The following ALDH1A2 variants were observed in gnomAD, a reference collection of about 807,000 sequenced individuals.
The protein encoded by ALDH1A2 is retinal dehydrogenase 2.
ALDH1A2 carries 27 observed loss-of-function variants against 60.3 expected under a neutral mutation model. The ratio of observed to expected loss-of-function variants is 0.45; its 90% CI spans 0.33 to 0.62. The LOEUF (loss-of-function observed/expected upper bound fraction) is 0.62, where lower values mean the gene tolerates loss of function less well. Among genes scored for constraint, ALDH1A2 ranks in the 20% least tolerant of loss-of-function variants. ALDH1A2 has a pLI of 0.02. For missense variants in ALDH1A2, 581 were observed against 643.8 expected, an observed-to-expected ratio of 0.90 and a Z score of 1.06; for synonymous variants, 289 against 232.4, an observed-to-expected ratio of 1.24 and a Z score of -2.21.
At chr15:58,030,796 A>T (rs1896216265) in intron 1 of ALDH1A2, among the ~76,000 whole-genome samples, 1 of 152,182 alleles carries the variant, frequency 6.6e-6, no homozygotes. Flanking sequence ...TAGAAAAAAA[A>T]TAAAATACCT....
In ALDH1A2 at chr15:57,971,136, C is replaced by T. The variant is rs369838906; in HGVS notation, c.799-5309G>A. ...CACCATTCCCACCACCACTCACCCACGACTCTAGGCACACAAAACCACTTG... is the reference window on the plus strand; with the variant it reads ...CACCATTCCCACCACCACTCACCCATGACTCTAGGCACACAAAACCACTTG... On this transcript the variant is annotated intron_variant, in intron 7 of 12. Coordinates refer to ENST00000249750, the MANE Select transcript of ALDH1A2 (RefSeq NM_003888.4). Among the ~76,000 whole-genome samples, 8 of 152,354 alleles carry T rather than the reference C, an allele frequency of 5.3e-5. No homozygotes were observed. The South Asian group carries it at 8.3e-4, about 16-fold the overall frequency.
chr15:57,978,795 G>C (rs1433769245), intron 7 of ALDH1A2, among the ~76,000 whole-genome samples: 2 of 152,170 alleles, frequency 1.3e-5, no homozygotes, highest in Non-Finnish European at 1.5e-5. Context: ...TCAGCACTTA[G>C]GGAGGCCAAG....
chr15:57,980,482 C>G (rs1894457628), intron 7 of ALDH1A2: 1 of 277,260 alleles, frequency 3.6e-6, no homozygotes, highest in Non-Finnish European at 7.6e-6. Flanking sequence ...TAATCCCGTC[C>G]TTCAGGCTCT....
intron 4 of ALDH1A2, among the ~76,000 whole-genome samples, chr15:58,000,519 A>ATTT (rs1338409598): frequency 6.6e-6 from 1 of 152,036 alleles, no homozygotes; most frequent in African/African-American, 2.4e-5. Flanking sequence ...CCTGTTAGAA[A>ATTT]TATGTAAATA....
At chr15:58,014,869 G>T (rs190230462) in intron 1 of ALDH1A2, among the ~76,000 whole-genome samples, 4 of 152,308 alleles carry the variant, frequency 2.6e-5, no homozygotes, top group Admixed American at 2.0e-4. Flanking sequence ...CAAAAAAGAT[G>T]GGGATGGGGA....
intron 1 of ALDH1A2, among the ~76,000 whole-genome samples, chr15:58,043,653 A>G (rs1181712080): frequency 1.3e-5 from 2 of 152,002 alleles, no homozygotes; most frequent in Non-Finnish European, 2.9e-5. Context: ...TTCAGGTGGA[A>G]AAGAGTCCTA....
At chr15:58,020,075 G>A (rs1423863118) in intron 1 of ALDH1A2, among the ~76,000 whole-genome samples, 5 of 151,254 alleles carry the variant, frequency 3.3e-5, no homozygotes, top group Non-Finnish European at 7.4e-5. Flanking sequence ...GAGAACATGT[G>A]GTGTTTGGTT....
At chr15:57,981,321 CACACACAG>C (rs1233456607) in intron 7 of ALDH1A2, among the ~76,000 whole-genome samples, 68 of 145,716 alleles carry the variant, frequency 4.7e-4, no homozygotes, top group African/African-American at 1.8e-3. Flanking sequence ...CACACACACA[CACACACAG>C]ACACACACAA....
intron 7 of ALDH1A2, among the ~76,000 whole-genome samples, chr15:57,974,576 C>A (rs1596074438): frequency 6.6e-6 from 1 of 151,312 alleles, no homozygotes; most frequent in East Asian, 2.0e-4. Flanking sequence ...TTGTCATTAT[C>A]CATCTATCTA....
In ALDH1A2 at chr15:57,953,954, G is replaced by C. The variant is rs1345803336; in HGVS notation, c.*1243C>G. ...TCACTGGAAAGCAGAAGAGGAGTAT[G>C]TGGATGGGAAGAAAGGGAGGCGGGC... On this transcript the variant is annotated 3_prime_UTR_variant, in exon 13 of 13. Transcript: ENST00000249750. 1 of 152,468 alleles carries C rather than the reference G, an allele frequency of 6.6e-6. No individual in the cohort carries two copies. The highest frequency in any genetic ancestry group is 1.5e-5 in the Non-Finnish European group (1 of 68,084). 9.4% of individuals were successfully genotyped at this position (152,468 alleles called of 1,614,324 possible). A position where few individuals can be genotyped will look rare whatever the true frequency, so the allele number is the denominator to read the frequency against.
intron 8 of ALDH1A2, among the ~76,000 whole-genome samples, 196 bp downstream of exon 8, chr15:57,965,529 T>C (rs1321462846): frequency 6.6e-6 from 1 of 152,202 alleles, no homozygotes. Flanking sequence ...CATTAGTGTC[T>C]AGAAAACAAC....
chr15:57,960,487 T>G (rs1288608346), intron 12 of ALDH1A2, among the ~76,000 whole-genome samples: 1 of 152,194 alleles, frequency 6.6e-6, no homozygotes, highest in Non-Finnish European at 1.5e-5. Flanking sequence ...TTAATTGATT[T>G]TTCTCTGTAC....
At chr15:57,965,866 G>A in intron 7 of ALDH1A2, 39 bp from the exon 8 acceptor site, 2 of 1,537,500 alleles carry the variant, frequency 1.3e-6, no homozygotes, top group Non-Finnish European at 1.8e-6. Flanking sequence ...TGCAAATCCT[G>A]CAGGTGAGAC....
intron 1 of ALDH1A2, among the ~76,000 whole-genome samples, chr15:58,053,084 G>A (rs1327222601): frequency 6.6e-6 from 1 of 151,942 alleles, no homozygotes; most frequent in Non-Finnish European, 1.5e-5. Flanking sequence ...CCATGATACC[G>A]GCTCTCATAA....
At chr15:58,021,376 A>G (rs561095477) in intron 1 of ALDH1A2, among the ~76,000 whole-genome samples, 3 of 152,312 alleles carry the variant, frequency 2.0e-5, no homozygotes, top group Non-Finnish European at 4.4e-5. Flanking sequence ...AAGTAAGAAA[A>G]GAGGTTGCCT....
chr15:58,065,357 G>A, intron 1 of ALDH1A2, 177 bp downstream of exon 1: 1 of 695,444 alleles, frequency 1.4e-6, no homozygotes, highest in Non-Finnish European at 2.6e-6. Context: ...CCACGGCGGG[G>A]CTTCAAACGC....
chr15:58,030,884 A>T (rs1896220303), intron 1 of ALDH1A2, among the ~76,000 whole-genome samples: 1 of 152,216 alleles, frequency 6.6e-6, no homozygotes, highest in Admixed American at 6.5e-5. Context: ...ATAAAAGAGG[A>T]GACAAACAGA....
At chr15:58,064,258 G>T (rs536084769) in intron 1 of ALDH1A2, among the ~76,000 whole-genome samples, 77 of 152,188 alleles carry the variant, frequency 5.1e-4, no homozygotes, top group African/African-American at 1.8e-3. Flanking sequence ...TGCCTAAAAG[G>T]TTATAACCAT....
chr15:58,047,948 T>C (rs1896675482), intron 1 of ALDH1A2, among the ~76,000 whole-genome samples: 1 of 152,054 alleles, frequency 6.6e-6, no homozygotes, highest in African/African-American at 2.4e-5. Flanking sequence ...AAGTGTAATA[T>C]TTTACTAGCA....
Sources: gnomAD v4.1 joint callset for allele counts (sites outside exome capture counted in the v4.1 genomes callset) on GRCh38, gnomAD v4.1.1 for gene constraint, MANE v1.5 for transcripts, NCBI Gene and HGNC (gene_info 2026-07-23, HGNC 2026-07-21) for gene names.